FAT3: variants seen among roughly 807,000 people sequenced by gnomAD.
FAT3 encodes the protein protocadherin Fat 3.
FAT3 carries 95 observed loss-of-function variants against 310.2 expected under a neutral mutation model. The observed-to-expected ratio is 0.31, with a 90% CI of 0.26 to 0.36. The LOEUF is 0.36. FAT3 is among the 10% of genes least tolerant of loss of function. The pLI is 1.00. For synonymous variants in FAT3, 2,314 were observed against 2,192.9 expected (o/e 1.06, Z -1.54); for missense variants, 5,408 against 5,715.6 (o/e 0.95, Z 1.74).
chr11:92,363,987 T>A (rs1389380641), intron 2 of FAT3, among the ~76,000 whole-genome samples: 2 of 152,124 alleles, frequency 1.3e-5, no homozygotes, highest in Non-Finnish European at 2.9e-5. Flanking sequence ...GACCTTTTTT[T>A]AACTGTGGGC....
intron 2 of FAT3, among the ~76,000 whole-genome samples, chr11:92,488,220 C>A (rs536784367): frequency 6.6e-6 from 1 of 152,136 alleles, no homozygotes; most frequent in South Asian, 2.1e-4. Context: ...TGAATTAATT[C>A]TACCGGCAGC....
chr11:92,665,801 CA>C (rs1942930636), intron 3 of FAT3, among the ~76,000 whole-genome samples: 1 of 152,172 alleles, frequency 6.6e-6, no homozygotes, highest in South Asian at 2.1e-4. Flanking sequence ...CATGGTGTTA[CA>C]ATGACAGTGA....
At chr11:92,370,127 T>C (rs939653427) in intron 2 of FAT3, among the ~76,000 whole-genome samples, 1 of 152,212 alleles carries the variant, frequency 6.6e-6, no homozygotes, top group Admixed American at 6.5e-5. Flanking sequence ...CCCTAAATTA[T>C]AAGAAGTTTC....
rs1424772179 is a variant in FAT3 at position 92,355,354 on chromosome 11, C to A, written c.3242C>A (p.Ser1081Tyr). 2 of 1,613,732 alleles carry A rather than the reference C, an allele frequency of 1.2e-6. No individual in the cohort carries two copies. The highest frequency in any genetic ancestry group is 1.7e-6 in the Non-Finnish European group (2 of 1,179,814). Residue 1081 changes from serine (S) to tyrosine (Y), a missense_variant, in exon 2 of 28, where the codon TCC (serine) becomes TAC (tyrosine). Transcript: ENST00000525166. ...GGAAGGGATGGAGAGATCCAGTACT[C>A]CATCAGGGATGGCAGTGGTCTTGGA... ...DSGRDGEIQYSIRDGSGLGRF... is the reference protein window; with the variant it reads ...DSGRDGEIQYYIRDGSGLGRF...
Position 92,229,490 on chromosome 11 carries a change from G to GTTTTT in FAT3, c.-18+4317_-18+4318insTTTTT. Among the ~76,000 whole-genome samples, 111 of 46,834 alleles carry GTTTTT rather than the reference G, an allele frequency of 2.4e-3. 21 individuals are homozygous for GTTTTT. The highest frequency in any genetic ancestry group is 5.0e-3 in the African/African-American group (65 of 13,122). 30.7% of individuals were successfully genotyped at this position (46,834 alleles called of 152,430 possible). The stretch of plus-strand genomic sequence containing the variant: ...CCTTGTTTTCTTTTTTTGTTTTTTC[G>GTTTTT]TGTTTTTTTTTTTTTTGTTTTTTGT... On this transcript the variant is annotated intron_variant, in intron 1 of 27. Transcript: ENST00000525166.
intron 3 of FAT3, among the ~76,000 whole-genome samples, chr11:92,659,087 A>G (rs191104927): frequency 4.6e-5 from 7 of 152,272 alleles, no homozygotes; most frequent in East Asian, 3.9e-4. Flanking sequence ...TGTGTAGGTT[A>G]TGGAAAAGAG....
chr11:92,720,844 C>T (rs936457669), intron 4 of FAT3, among the ~76,000 whole-genome samples: 2 of 152,054 alleles, frequency 1.3e-5, no homozygotes, highest in Non-Finnish European at 2.9e-5. Flanking sequence ...AAATAAGGTC[C>T]CTTAATGTAA....
intron 3 of FAT3, among the ~76,000 whole-genome samples, chr11:92,561,250 CGTGTGTGTGTGT>C (rs66585879): frequency 0.013 from 1,970 of 148,480 alleles, 17 homozygotes; most frequent in African/African-American, 0.024. Context: ...CCTTCTACTT[CGTGTGTGTGTGT>C]GTGTGTGTGT....
chr11:92,760,204 A>AT (rs1248148962), intron 4 of FAT3, among the ~76,000 whole-genome samples: 13 of 152,204 alleles, frequency 8.5e-5, no homozygotes, highest in African/African-American at 3.1e-4. Context: ...AACTTGATTG[A>AT]TTTTTCAAAG....
At chr11:92,837,573 AG>A in intron 16 of FAT3, 89 bp from the exon 17 acceptor site, 2 of 1,492,038 alleles carry the variant, frequency 1.3e-6, no homozygotes, top group Middle Eastern at 2.3e-4. Context: ...TCTTTAACAA[AG>A]CACAGCCTGT....
chr11:92,809,879 G>A lies in FAT3; in HGVS notation c.9284G>A (p.Arg3095Lys). Reference protein sequence around the residue: ...LKTLALLDRERIPVYSLMAKA... With the variant: ...LKTLALLDREKIPVYSLMAKA... ...ACCTTGGCTCTGTTGGACCGGGAGA[G>A]GATCCCCGTGTACAGCCTGATGGCC... Residue 3095 changes from arginine to lysine, a missense_variant, in exon 13 of 28, where the codon AGG becomes AAG. By Grantham distance (26) the Arg-to-Lys change is conservative. Transcript: ENST00000525166. The A allele has an allele frequency of 6.2e-7, 1 of 1,613,976 alleles. No homozygotes were observed. Among genetic ancestry groups the A allele is most frequent in the Non-Finnish European group, 8.5e-7 (1 of 1,179,858 alleles).
At chr11:92,680,289 G>T (rs1003615170) in intron 3 of FAT3, among the ~76,000 whole-genome samples, 1 of 152,224 alleles carries the variant, frequency 6.6e-6, no homozygotes, top group East Asian at 1.9e-4. Flanking sequence ...TTAATATAGA[G>T]TGAGAAACAG....
At chr11:92,444,685 A>C (rs1443350105) in intron 2 of FAT3, among the ~76,000 whole-genome samples, 1 of 149,212 alleles carries the variant, frequency 6.7e-6, no homozygotes, top group Non-Finnish European at 1.5e-5. Flanking sequence ...CATACAGTTT[A>C]TATTATTTTC....
intron 2 of FAT3, among the ~76,000 whole-genome samples, chr11:92,509,968 A>C (rs2135305652): frequency 6.6e-6 from 1 of 152,234 alleles, no homozygotes; most frequent in South Asian, 2.1e-4. Flanking sequence ...ATGCTCCAAA[A>C]GTTTCTGCTG....
At chr11:92,290,821 T>A (rs1946670662) in intron 1 of FAT3, among the ~76,000 whole-genome samples, 1 of 151,984 alleles carries the variant, frequency 6.6e-6, no homozygotes, top group South Asian at 2.1e-4. Context: ...CTGAGAACAC[T>A]AGCAGAAGGA....
chr11:92,559,200 TTC>T (rs1415461822), intron 3 of FAT3, among the ~76,000 whole-genome samples: 1 of 152,088 alleles, frequency 6.6e-6, no homozygotes, highest in Non-Finnish European at 1.5e-5. Context: ...GATTGTTCAG[TTC>T]AATGGTTTTT....
intron 22 of FAT3, among the ~76,000 whole-genome samples, chr11:92,870,698 G>A (rs904761617): frequency 3.3e-5 from 5 of 152,106 alleles, no homozygotes; most frequent in Admixed American, 3.3e-4. Context: ...TTGAAGCCAG[G>A]CAGTCACCAT....
intron 3 of FAT3, among the ~76,000 whole-genome samples, chr11:92,677,935 G>A (rs1943343616): frequency 6.6e-6 from 1 of 152,166 alleles, no homozygotes; most frequent in African/African-American, 2.4e-5. Flanking sequence ...GCTTTCTAGA[G>A]GCTCCTCATT....
At chr11:92,521,969 T>C (rs1375325219) in intron 2 of FAT3, among the ~76,000 whole-genome samples, 1 of 152,124 alleles carries the variant, frequency 6.6e-6, no homozygotes, top group African/African-American at 2.4e-5. Flanking sequence ...TAAAGATCTG[T>C]GTTCTCCAAA....
Sources: gnomAD v4.1 joint callset for allele counts (sites outside exome capture counted in the v4.1 genomes callset) on GRCh38, gnomAD v4.1.1 for gene constraint, MANE v1.5 for transcripts, NCBI Gene and HGNC (gene_info 2026-07-23, HGNC 2026-07-21) for gene names.